Variants in ENPP6 observed in about 807,000 individuals in gnomAD.
ENPP6 encodes ectonucleotide pyrophosphatase/phosphodiesterase 6.
Under a neutral mutation model 42.0 loss-of-function variants are expected in ENPP6, and 32 were observed. That is an observed-to-expected ratio of 0.76 (90% CI 0.58 to 1.02). The LOEUF is 1.02. Among genes scored for constraint, ENPP6 ranks in the 50% least tolerant of loss-of-function variants. ENPP6 has a pLI of 0.00. For synonymous variants in ENPP6, 213 were observed against 216.0 expected (o/e 0.99, Z 0.12); for missense variants, 552 against 566.8 (o/e 0.97, Z 0.27).
At chr4:184,108,412 G>A (rs373867772) in intron 6 of ENPP6, among the ~76,000 whole-genome samples, 7 of 152,178 alleles carry the variant, frequency 4.6e-5, no homozygotes, top group African/African-American at 7.2e-5. Context: ...GAAGTTTAGC[G>A]AATAGGAAAG....
chr4:184,165,125 T>A (rs926653330), intron 1 of ENPP6, among the ~76,000 whole-genome samples: 1 of 152,208 alleles, frequency 6.6e-6, no homozygotes, highest in South Asian at 2.1e-4. Context: ...CCTGGGACTC[T>A]GGAGGGGTGA....
chr4:184,197,479 G>A (rs1368012846), intron 1 of ENPP6, among the ~76,000 whole-genome samples: 2 of 152,240 alleles, frequency 1.3e-5, no homozygotes, highest in African/African-American at 4.8e-5. Flanking sequence ...GAGAATGCCT[G>A]GGCTTCCGTC....
intron 6 of ENPP6, among the ~76,000 whole-genome samples, chr4:184,098,436 T>G (rs996909449): frequency 2.0e-5 from 3 of 152,198 alleles, no homozygotes; most frequent in Non-Finnish European, 4.4e-5. Flanking sequence ...CAGAAGGGTC[T>G]CCTCAGCAAA....
chr4:184,129,386 C>T (rs760874817), intron 2 of ENPP6, among the ~76,000 whole-genome samples: 3 of 151,982 alleles, frequency 2.0e-5, no homozygotes, highest in Non-Finnish European at 4.4e-5. Flanking sequence ...TTCTTCTATT[C>T]TGTTCTGTGT....
chr4:184,107,068 T>G (rs1736109759), intron 6 of ENPP6, among the ~76,000 whole-genome samples: 1 of 152,072 alleles, frequency 6.6e-6, no homozygotes, highest in Non-Finnish European at 1.5e-5. Context: ...CAACCCAACC[T>G]GCCCCAGGCC....
intron 7 of ENPP6, among the ~76,000 whole-genome samples, chr4:184,093,232 C>T (rs1044837771): frequency 6.6e-6 from 1 of 152,096 alleles, no homozygotes; most frequent in South Asian, 2.1e-4. Context: ...ATGACAAGGA[C>T]AAATTGTGGT....
chr4:184,174,230 C>T (rs1486267977), intron 1 of ENPP6, among the ~76,000 whole-genome samples: 1 of 151,148 alleles, frequency 6.6e-6, no homozygotes, highest in Non-Finnish European at 1.5e-5. Flanking sequence ...CTCTGCCTCC[C>T]AGGTTCAAGT....
chr4:184,203,523 T>C (rs1381810873), intron 1 of ENPP6, among the ~76,000 whole-genome samples: 2 of 152,160 alleles, frequency 1.3e-5, no homozygotes, highest in Non-Finnish European at 2.9e-5. Context: ...TAATTCAATA[T>C]GGCTGGTGTC....
At position 184,172,118 on chromosome 4, in the gene ENPP6, G is replaced by A. The variant is rs901559818; in HGVS notation, c.242-18385C>T. Among the ~76,000 whole-genome samples the A allele has an allele frequency of 7.2e-5, 11 of 152,306 alleles. No homozygotes were observed. In the South Asian group the frequency reaches 1.2e-3, roughly 17 times the overall value. ...CGGTGTAACAAAGAGCATCCAGGGC[G>A]AGAGGGTGGGAAGGAAGAAGTGTGG... On this transcript the variant is annotated intron_variant, in intron 1 of 7. Coordinates refer to ENST00000296741, the MANE Select transcript of ENPP6 (RefSeq NM_153343.4).
At chr4:184,132,183 A>G (rs1187618676) in intron 2 of ENPP6, among the ~76,000 whole-genome samples, 3 of 152,194 alleles carry the variant, frequency 2.0e-5, no homozygotes. Flanking sequence ...CCCCCAACAG[A>G]AACACACAGA....
At chr4:184,174,896 A>T (rs968281130) in intron 1 of ENPP6, among the ~76,000 whole-genome samples, 2 of 152,226 alleles carry the variant, frequency 1.3e-5, no homozygotes, top group African/African-American at 4.8e-5. Flanking sequence ...GAATTCATGC[A>T]TCTGCTAACC....
rs1254573422 is a variant in ENPP6, at chr4:184,090,888, C to A, written c.*289G>T. The A allele has an allele frequency of 1.6e-5, 7 of 435,768 alleles. No homozygotes were observed. Among genetic ancestry groups the A allele is most frequent in the African/African-American group, 1.2e-4 (6 of 49,018 alleles). 27.0% of individuals were successfully genotyped at this position (435,768 alleles called of 1,614,324 possible). On this transcript the variant is annotated 3_prime_UTR_variant, in exon 8 of 8. Coordinates refer to ENST00000296741, the MANE Select transcript of ENPP6 (RefSeq NM_153343.4). The stretch of plus-strand genomic sequence containing the variant: ...AGTTTGGTTGCTGCAGGAGCAGGTC[C>A]CTGCTCAGAGAGTTCATCCTGAGTA...
Position 184,091,217 on chromosome 4 carries a change from T to C in ENPP6, c.1283A>G (p.His428Arg). 3 of 1,598,868 alleles carry C rather than the reference T, an allele frequency of 1.9e-6. No homozygotes were observed. The highest frequency in any genetic ancestry group is 2.6e-6 in the Non-Finnish European group (3 of 1,171,936). The change falls in exon 8 of 8, where the codon CAC becomes CGC. Residue 428 changes from histidine (H) to arginine (R), a missense_variant. Coordinates refer to ENST00000296741, the MANE Select transcript of ENPP6 (RefSeq NM_153343.4). ...GAGAAGAATCAGTGCCAGGGCACAG[T>C]GGCTGGGCCAGACAGGCGGGGCAGT... ...ASTAPPVWPS[H>R]CALALILLFL...
chr4:184,161,702 T>C (rs1351425675), intron 1 of ENPP6, among the ~76,000 whole-genome samples: 2 of 151,972 alleles, frequency 1.3e-5, no homozygotes, highest in Non-Finnish European at 2.9e-5. Context: ...TACTCAGCCG[T>C]GAAAAGGAAT....
chr4:184,179,323 T>A (rs1220996902), intron 1 of ENPP6, among the ~76,000 whole-genome samples: 2 of 152,188 alleles, frequency 1.3e-5, no homozygotes, highest in African/African-American at 2.4e-5. Context: ...CGAGAAGAGC[T>A]AGCTATCCTA....
chr4:184,125,075 G>A (rs1047025335), intron 2 of ENPP6, among the ~76,000 whole-genome samples: 1 of 152,238 alleles, frequency 6.6e-6, no homozygotes, highest in Non-Finnish European at 1.5e-5. Context: ...AGTGGATCTG[G>A]TAGGGTCTCC....
intron 1 of ENPP6, among the ~76,000 whole-genome samples, chr4:184,188,283 A>G (rs1732665167): frequency 6.6e-6 from 1 of 152,216 alleles, no homozygotes; most frequent in South Asian, 2.1e-4. Flanking sequence ...TATGAAAAAC[A>G]TCAACGGAGG....
intron 1 of ENPP6, among the ~76,000 whole-genome samples, chr4:184,177,376 G>C (rs1036010687): frequency 1.3e-5 from 2 of 152,184 alleles, no homozygotes; most frequent in African/African-American, 4.8e-5. Context: ...TTGGGATGGA[G>C]CCCCTAGGGC....
intron 2 of ENPP6, among the ~76,000 whole-genome samples, chr4:184,138,841 G>A (rs76471901): frequency 0.024 from 3,582 of 152,278 alleles, 155 homozygotes; most frequent in African/African-American, 0.081. Context: ...AATGGCATAA[G>A]GGATTCTCTT....
Sources: allele counts gnomAD v4.1 joint callset (sites outside exome capture counted in the v4.1 genomes callset), GRCh38; gene constraint gnomAD v4.1.1; transcripts MANE v1.5; gene names NCBI Gene and HGNC (gene_info 2026-07-23, HGNC 2026-07-21).